The following GPC2 variants were observed in gnomAD, a reference collection of about 807,000 sequenced individuals.
The protein encoded by GPC2 is glypican-2.
A neutral mutation model predicts 57.3 loss-of-function variants in GPC2; 42 were observed. The ratio of observed to expected loss-of-function variants is 0.73; its 90% CI spans 0.57 to 0.95. The LOEUF is 0.95. GPC2 is among the 40% of genes least tolerant of loss of function. The probability of loss-of-function intolerance (pLI) is 0.00; values close to 1 mark genes in which losing one functional copy is unlikely to be tolerated. For missense variants in GPC2, 745 were observed against 793.6 expected (o/e 0.94, Z 0.74); for synonymous variants, 364 against 343.4 (o/e 1.06, Z -0.66).
intron 5 of GPC2, among the ~76,000 whole-genome samples, chr7:100,172,705 ATATATG>A (rs1799202230): frequency 1.1e-5 from 1 of 90,300 alleles, no homozygotes; most frequent in Non-Finnish European, 2.1e-5. Flanking sequence ...ATACGTGTAT[ATATATG>A]TATATATACA....
At chr7:100,173,664 CTCTT>C (rs1455914777) in intron 5 of GPC2, 167 bp downstream of exon 5, 43 of 429,740 alleles carry the variant, frequency 1.0e-4, no homozygotes, top group East Asian at 4.8e-4. Flanking sequence ...CTCTCTCTCT[CTCTT>C]TCTTTCTCTC....
Position 100,175,659 on chromosome 7 carries a change from G to T in GPC2, c.561C>A (p.Asp187Glu). The change falls in exon 3 of 10, where the codon GAC (aspartate) becomes GAA (glutamate). Residue 187 changes from aspartate (D) to glutamate (E), a missense_variant. By Grantham distance (45) the Asp-to-Glu change is conservative (BLOSUM62 2). This residue lies in a region of GPC2 where 607 missense variants were observed against 603.9 expected (regional missense o/e 1.01). Coordinates refer to ENST00000292377, the MANE Select transcript of GPC2 (RefSeq NM_152742.3). ...LLHPQYSFPP[D>E]YLLCLSRLAS... is the part of the protein sequence containing the mutation. ...CCAAGCGTGAGAGGCAGAGCAGGTA[G>T]TCAGGGGGGAAGCTGTACTGTGGGT... 6.2e-7 allele frequency: 1 copy of T among 1,614,158 alleles called. No homozygotes were observed. Among genetic ancestry groups the T allele is most frequent in the Non-Finnish European group, 8.5e-7 (1 of 1,179,996 alleles).
chr7:100,174,093 C>A, intron 4 of GPC2, 96 bp from the exon 5 acceptor site: 1 of 1,184,120 alleles, frequency 8.4e-7, no homozygotes, highest in East Asian at 2.7e-5. Context: ...CATACCCCAC[C>A]CTACACCTAG....
At position 100,175,746 on chromosome 7, in the gene GPC2, C is replaced by T. The variant is rs1468262798; in HGVS notation, c.474G>A (p.Gly158=). The change falls in exon 3 of 10, where the codon GGG becomes GGA. Residue 158 remains glycine (G), a synonymous_variant. Coordinates refer to ENST00000292377, the MANE Select transcript of GPC2 (RefSeq NM_152742.3). ...AGAAATCCGCCAGGGTGTCATCCAA[C>T]CCCTCACCAGATTCCCCATAGAAGT... ...LRDFYGESGE[G]LDDTLADFWA... is the part of the protein sequence containing the mutation. The T allele has an allele frequency of 6.2e-7, 1 of 1,614,146 alleles. No homozygotes were observed. Among genetic ancestry groups the T allele is most frequent in the East Asian group, 2.2e-5 (1 of 44,866 alleles).
intron 3 of GPC2, 43 bp downstream of exon 3, chr7:100,175,529 C>G (rs1263274554): frequency 1.3e-6 from 2 of 1,501,174 alleles, no homozygotes; most frequent in Non-Finnish European, 1.8e-6. Context: ...TCAGGGGTCA[C>G]TAGGTCAGAA....
At position 100,175,794 on chromosome 7, in the gene GPC2, AT is replaced by A; in HGVS notation, c.425del (p.Asn142MetfsTer76). On this transcript the variant is annotated frameshift_variant, in exon 3 of 10. Transcript: ENST00000292377. LOFTEE classifies it high-confidence loss of function. ...AGTCTCGCAGCCGAGAGAACAGGCCATTGAATATGAGGGCGTGCTGGGCATA... is the reference window on the plus strand; with the variant it reads ...AGTCTCGCAGCCGAGAGAACAGGCCATGAATATGAGGGCGTGCTGGGCATA... ...RLYAQHALIF[N>X]GLFSRLRDFY... is the part of the protein sequence containing the mutation. The A allele has an allele frequency of 6.2e-7, 1 of 1,614,074 alleles. No individual in the cohort carries two copies. Among genetic ancestry groups the A allele is most frequent in the Non-Finnish European group, 8.5e-7 (1 of 1,179,996 alleles).
intron 9 of GPC2, among the ~76,000 whole-genome samples, chr7:100,170,691 A>G (rs1234347995): frequency 6.6e-6 from 1 of 151,782 alleles, no homozygotes; most frequent in Non-Finnish European, 1.5e-5. Context: ...ACATGGGGGG[A>G]GAGATCATGA....
At chr7:100,174,421 G>C in intron 4 of GPC2, 1 of 576,146 alleles carries the variant, frequency 1.7e-6, no homozygotes, top group South Asian at 1.9e-5. Context: ...ATCTCCTACT[G>C]CTATGGAGAT....
In GPC2 at chr7:100,171,121, G is replaced by T; in HGVS notation, c.1486+140C>A. On this transcript the variant is annotated intron_variant, in intron 9 of 9. Coordinates refer to ENST00000292377, the MANE Select transcript of GPC2 (RefSeq NM_152742.3). This position sits in a 1 kb window ranked among gnomAD's most constrained non-coding sequence, Gnocchi z 4.8. Reference sequence around the variant, plus strand: ...GTTACCCCCAGTCTTTCAGGGCAACGCTCAATAAATGCTCGTTGAATGAAT... The same window carrying T: ...GTTACCCCCAGTCTTTCAGGGCAACTCTCAATAAATGCTCGTTGAATGAAT... The T allele has an allele frequency of 2.6e-6, 2 of 768,480 alleles. No individual in the cohort carries two copies. The highest frequency in any genetic ancestry group is 3.9e-6 in the Non-Finnish European group (2 of 512,308). 47.6% of individuals were successfully genotyped at this position (768,480 alleles called of 1,614,324 possible).
chr7:100,171,199 GGA>G lies in GPC2; in HGVS notation c.1486+60_1486+61del, dbSNP rs984051856. On this transcript the variant is annotated intron_variant, in intron 9 of 9. Coordinates refer to ENST00000292377, the MANE Select transcript of GPC2 (RefSeq NM_152742.3). This position sits in a 1 kb window ranked among gnomAD's most constrained non-coding sequence, Gnocchi z 4.8. ...GCAGAGGCACGGGCGGGAACTACCAGGAGAGGGGAGAGGCTTCAGGGCAGTGG... is the reference window on the plus strand; with the variant it reads ...GCAGAGGCACGGGCGGGAACTACCAGGAGGGGAGAGGCTTCAGGGCAGTGG... The G allele has an allele frequency of 7.9e-6, 11 of 1,398,446 alleles. No homozygotes were observed. The African/African-American group carries it at 1.7e-4, about 21-fold the overall frequency. 86.6% of individuals were successfully genotyped at this position (1,398,446 alleles called of 1,614,324 possible).
Position 100,175,729 on chromosome 7 carries a change from G to A in GPC2, c.491C>T (p.Ala164Val), listed in dbSNP as rs768056762. 2.9e-5 allele frequency: 47 copies of A among 1,614,118 alleles called. No individual in the cohort carries two copies. The South Asian group carries it at 3.3e-4, about 11-fold the overall frequency. The change falls in exon 3 of 10, where the codon GCG becomes GTG. Residue 164 changes from alanine (A) to valine (V), a missense_variant. Physicochemically the swap from Ala to Val is moderately conservative, Grantham distance 64. Coordinates refer to ENST00000292377, the MANE Select transcript of GPC2 (RefSeq NM_152742.3). ...CTCCAGGAGCTGTGCCCAGAAATCC[G>A]CCAGGGTGTCATCCAACCCCTCACC... is the stretch of plus-strand genomic sequence containing the variant. The part of the protein sequence containing the change: ...ESGEGLDDTL[A>V]DFWAQLLERV...
chr7:100,171,669 G>A lies in GPC2; in HGVS notation c.1180C>T (p.Leu394Phe). ...CGCATCCGGGCCAGACGCTCGCGGA[G>A]CTCCCACACCTGGGCGGGCGAGAGG... is the stretch of plus-strand genomic sequence containing the variant. ...GTNLHRLVWE[L>F]RERLARMRGF... Residue 394 changes from leucine (L) to phenylalanine (F), a missense_variant, in exon 8 of 10, where the codon CTC (leucine) becomes TTC (phenylalanine). Leu to Phe is a conservative substitution (Grantham distance 22). Around this residue, in one of 2 missense-constraint regions of GPC2, gnomAD observed 607 missense variants for 603.9 expected, o/e 1.01. Transcript: ENST00000292377. The surrounding 1 kb of genome is among the most constrained non-coding windows in gnomAD (Gnocchi z 4.8). 1 of 1,503,626 alleles carries A rather than the reference G, an allele frequency of 6.7e-7. No homozygotes were observed. 93.1% of individuals were successfully genotyped at this position (1,503,626 alleles called of 1,614,324 possible). A position where few individuals can be genotyped will look rare whatever the true frequency, so the allele number is the denominator to read the frequency against.
In GPC2 at chr7:100,171,056, C is replaced by T; in HGVS notation, c.1486+205G>A. ...TTCTTTAAGAATGTTTTCGTGTCTC[C>T]CCTACTGGCCTGAAAGGATACAGAC... On this transcript the variant is annotated intron_variant, in intron 9 of 9. Transcript: ENST00000292377. The surrounding 1 kb of genome is among the most constrained non-coding windows in gnomAD (Gnocchi z 4.8). The T allele has an allele frequency of 2.1e-6, 1 of 478,252 alleles. No individual in the cohort carries two copies. Among genetic ancestry groups the T allele is most frequent in the Non-Finnish European group, 3.6e-6 (1 of 275,762 alleles). 29.6% of individuals were successfully genotyped at this position (478,252 alleles called of 1,614,324 possible).
chr7:100,175,870 A>T lies in GPC2; in HGVS notation c.350T>A (p.Val117Glu). 6.2e-7 allele frequency: 1 copy of T among 1,613,768 alleles called. No individual in the cohort carries two copies. Among genetic ancestry groups the T allele is most frequent in the Non-Finnish European group, 8.5e-7 (1 of 1,179,738 alleles). Residue 117 changes from valine to glutamate, a missense_variant, in exon 3 of 10, where the codon GTA becomes GAA. Val to Glu is a moderately radical substitution (Grantham distance 121). Coordinates refer to ENST00000292377, the MANE Select transcript of GPC2 (RefSeq NM_152742.3). ...FDEFFLEMLS[V>E]AQHSLTQLFS... Reference sequence around the variant, plus strand: ...GAGCTGGGTCAGAGAGTGCTGGGCTACTGAGAGCATCTCCAGAAAAAACTC... The same window carrying T: ...GAGCTGGGTCAGAGAGTGCTGGGCTTCTGAGAGCATCTCCAGAAAAAACTC...
In GPC2 at chr7:100,171,643, C is replaced by T. The variant is rs1234731521; in HGVS notation, c.1206G>A (p.Arg402=). Residue 402 remains arginine, a synonymous_variant, in exon 8 of 10, where the codon CGG becomes CGA. Transcript: ENST00000292377. The surrounding 1 kb of genome is among the most constrained non-coding windows in gnomAD (Gnocchi z 4.8). ...WELRERLARM[R]GFWARLSLTV... ...TCAGGGACAGCCGGGCCCAGAAGCC[C>T]CGCATCCGGGCCAGACGCTCGCGGA... 1.3e-6 allele frequency: 2 copies of T among 1,527,450 alleles called. No individual in the cohort carries two copies. Among genetic ancestry groups the T allele is most frequent in the Non-Finnish European group, 1.7e-6 (2 of 1,149,510 alleles). The allele number at this position is 1,527,450 out of a possible 1,614,324, so 94.6% of individuals were successfully genotyped here. A position where few individuals can be genotyped will look rare whatever the true frequency, so the allele number is the denominator to read the frequency against.
chr7:100,174,535 C>T (rs755964386), intron 4 of GPC2, 150 bp downstream of exon 4: 1 of 709,856 alleles, frequency 1.4e-6, no homozygotes, highest in Non-Finnish European at 2.6e-6. Flanking sequence ...CAGCCCCCTC[C>T]TTCCTAATTC....
At chr7:100,174,848 G>C in intron 3 of GPC2, 83 bp from the exon 4 acceptor site, 1 of 1,026,774 alleles carries the variant, frequency 9.7e-7, no homozygotes, top group South Asian at 1.4e-5. Flanking sequence ...TGCATCAAGA[G>C]CAGTGAGGGT....
At position 100,174,758 on chromosome 7, in the gene GPC2, C is replaced by T. The variant is rs771370943; in HGVS notation, c.656G>A (p.Arg219Gln). ...AAAGGCTCGGGCAGCCACCAGGGTC[C>T]GGGTTATCTGGGAGAAGGCAAAGAA... ...SPRRLRLQITRTLVAARAFVQ... is the reference protein window; with the variant it reads ...SPRRLRLQITQTLVAARAFVQ... Residue 219 changes from arginine (R) to glutamine (Q), a missense_variant, in exon 4 of 10, where the codon CGG becomes CAG. This residue lies in a region of GPC2 where 607 missense variants were observed against 603.9 expected (regional missense o/e 1.01). Transcript: ENST00000292377. 25 of 1,613,666 alleles carry T rather than the reference C, an allele frequency of 1.5e-5. 1 individual carries two copies. Among genetic ancestry groups the T allele is most frequent in the African/African-American group, 4.0e-5 (3 of 74,882 alleles).
rs865840477 is a variant in GPC2, at chr7:100,171,650, C to G, written c.1199G>C (p.Arg400Pro). 2.6e-6 allele frequency: 4 copies of G among 1,519,014 alleles called. No homozygotes were observed. Among genetic ancestry groups the G allele is most frequent in the Non-Finnish European group, 3.5e-6 (4 of 1,144,948 alleles). 94.1% of individuals were successfully genotyped at this position (1,519,014 alleles called of 1,614,324 possible). Residue 400 changes from arginine to proline, a missense_variant, in exon 8 of 10, where the codon CGG becomes CCG. Physicochemically the swap from Arg to Pro is moderately radical, Grantham distance 103. This residue lies in a region of GPC2 where 607 missense variants were observed against 603.9 expected (regional missense o/e 1.01). Transcript: ENST00000292377. The surrounding 1 kb of genome is among the most constrained non-coding windows in gnomAD (Gnocchi z 4.8). Reference sequence around the variant, plus strand: ...CAGCCGGGCCCAGAAGCCCCGCATCCGGGCCAGACGCTCGCGGAGCTCCCA... The same window carrying G: ...CAGCCGGGCCCAGAAGCCCCGCATCGGGGCCAGACGCTCGCGGAGCTCCCA... ...LVWELRERLA[R>P]MRGFWARLSL...
Sources: allele counts gnomAD v4.1 joint callset (sites outside exome capture counted in the v4.1 genomes callset), GRCh38; gene constraint gnomAD v4.1.1; regional missense constraint gnomAD v4.1.1; non-coding constraint Gnocchi (gnomAD v3.1); transcripts MANE v1.5; gene names NCBI Gene and HGNC (gene_info 2026-07-23, HGNC 2026-07-21).